The following MB21D2 variants were observed in gnomAD, a reference collection of about 807,000 sequenced individuals.
MB21D2 encodes Mab-21 domain containing 2.
A neutral mutation model predicts 33.3 loss-of-function variants in MB21D2; 9 were observed. The observed-to-expected ratio is 0.27, with a 90% CI of 0.16 to 0.47. The LOEUF (loss-of-function observed/expected upper bound fraction) is 0.47. Ranked by LOEUF, MB21D2 falls within the 20% of genes least tolerant of loss-of-function variation. MB21D2 has a pLI of 0.99. For missense variants in MB21D2, 540 were observed against 624.6 expected, an observed-to-expected ratio of 0.86 and a Z score of 1.44; for synonymous variants, 241 against 236.3, an observed-to-expected ratio of 1.02 and a Z score of -0.18.
At chr3:192,833,247 A>G (rs1384612082) in intron 1 of MB21D2, among the ~76,000 whole-genome samples, 2 of 152,214 alleles carry the variant, frequency 1.3e-5, no homozygotes, top group Non-Finnish European at 2.9e-5. Flanking sequence ...CTATCTTGGC[A>G]AGGAAAGTCA....
At chr3:192,835,555 A>T in intron 1 of MB21D2, among the ~76,000 whole-genome samples, 1 of 151,950 alleles carries the variant, frequency 6.6e-6, no homozygotes, top group Non-Finnish European at 1.5e-5. Context: ...TTCCCAAATC[A>T]CTTATAGATT....
intron 1 of MB21D2, among the ~76,000 whole-genome samples, chr3:192,890,462 G>A (rs1242779477): frequency 6.6e-6 from 1 of 151,862 alleles, no homozygotes; most frequent in East Asian, 1.9e-4. Flanking sequence ...TTTAGAATGG[G>A]GCAGGCTTAG....
intron 1 of MB21D2, among the ~76,000 whole-genome samples, chr3:192,821,123 T>C (rs1712043385): frequency 6.6e-6 from 1 of 152,164 alleles, no homozygotes. Context: ...CTTCCTGATA[T>C]TGCTAATGTC....
intron 1 of MB21D2, among the ~76,000 whole-genome samples, chr3:192,813,688 G>A (rs1711843210): frequency 6.6e-6 from 1 of 152,112 alleles, no homozygotes; most frequent in African/African-American, 2.4e-5. Context: ...AGTATACAAA[G>A]TATCCACCTA....
intron 1 of MB21D2, among the ~76,000 whole-genome samples, chr3:192,810,197 C>T (rs1012545930): frequency 6.6e-6 from 1 of 152,162 alleles, no homozygotes; most frequent in African/African-American, 2.4e-5. Context: ...ATCGGGTACA[C>T]TGGGACATGA....
rs1197108873 is a variant in MB21D2, at chr3:192,816,222, T to TAAA, written c.212-16573_212-16572insTTT. On this transcript the variant is annotated intron_variant, in intron 1 of 1. Transcript: ENST00000392452. ...AAAGACGAGAGGACAATTTTTTTTT[T>TAAA]TAAAAAAAAAGATGGTTCCGACTTG... 1.1e-3 allele frequency among the ~76,000 whole-genome samples: 134 copies of TAAA among 122,540 alleles called. 1 individual carries two copies. Among genetic ancestry groups the TAAA allele is most frequent in the African/African-American group, 4.2e-3 (129 of 30,912 alleles). The allele number at this position is 122,540 out of a possible 152,430, so 80.4% of individuals were successfully genotyped here. A position where few individuals can be genotyped will look rare whatever the true frequency, so the allele number is the denominator to read the frequency against.
chr3:192,904,186 G>A (rs529864345), intron 1 of MB21D2, among the ~76,000 whole-genome samples: 1 of 152,266 alleles, frequency 6.6e-6, no homozygotes, highest in African/African-American at 2.4e-5. Flanking sequence ...CCCATTCAAA[G>A]AGAAAATGTA....
intron 1 of MB21D2, among the ~76,000 whole-genome samples, chr3:192,807,474 G>T (rs1332440277): frequency 1.3e-5 from 2 of 152,060 alleles, no homozygotes; most frequent in African/African-American, 4.8e-5. Context: ...GAGATGCTCT[G>T]AATGAAGTCA....
At chr3:192,917,018 T>C (rs988119905) in intron 1 of MB21D2, among the ~76,000 whole-genome samples, 5 of 152,210 alleles carry the variant, frequency 3.3e-5, no homozygotes, top group African/African-American at 4.8e-5. Context: ...AGAAGTCAAT[T>C]TGCAAATCAA....
chr3:192,814,210 C>T (rs538256573), intron 1 of MB21D2, among the ~76,000 whole-genome samples: 19 of 152,062 alleles, frequency 1.2e-4, no homozygotes, highest in African/African-American at 4.3e-4. Flanking sequence ...ATGTTTGATA[C>T]ATCCAGAAGT....
intron 1 of MB21D2, among the ~76,000 whole-genome samples, chr3:192,814,946 G>A (rs1199263122): frequency 6.6e-6 from 1 of 152,092 alleles, no homozygotes; most frequent in Non-Finnish European, 1.5e-5. Flanking sequence ...TTGAGAGATG[G>A]CTTCTTTCAT....
chr3:192,897,651 TG>T (rs896836952), intron 1 of MB21D2, among the ~76,000 whole-genome samples: 9 of 151,730 alleles, frequency 5.9e-5, no homozygotes, highest in African/African-American at 2.2e-4. Flanking sequence ...GGGGGAGGGG[TG>T]GAATGAGCCC....
chr3:192,847,474 C>T (rs1012491370), intron 1 of MB21D2, among the ~76,000 whole-genome samples: 2 of 152,018 alleles, frequency 1.3e-5, no homozygotes, highest in African/African-American at 2.4e-5. Flanking sequence ...TCTCAAAAGG[C>T]GAATTTTCCT....
At chr3:192,905,552 G>A (rs1201779904) in intron 1 of MB21D2, among the ~76,000 whole-genome samples, 26 of 149,764 alleles carry the variant, frequency 1.7e-4, no homozygotes, top group African/African-American at 1.5e-4. Context: ...CAGGAGAATC[G>A]CTTGAACCCG....
chr3:192,873,204 C>T (rs1006627753), intron 1 of MB21D2, among the ~76,000 whole-genome samples: 1 of 152,082 alleles, frequency 6.6e-6, no homozygotes, highest in African/African-American at 2.4e-5. Context: ...TTGCTGTATG[C>T]ACAATTACTA....
At chr3:192,909,936 C>CAAAA (rs61613458) in intron 1 of MB21D2, among the ~76,000 whole-genome samples, 28 of 52,816 alleles carry the variant, frequency 5.3e-4, no homozygotes, top group Non-Finnish European at 6.2e-4. Context: ...GACTCTGTCT[C>CAAAA]AAAAAAAAAA....
chr3:192,852,196 A>G (rs1712821971), intron 1 of MB21D2, among the ~76,000 whole-genome samples: 1 of 152,194 alleles, frequency 6.6e-6, no homozygotes, highest in Non-Finnish European at 1.5e-5. Context: ...TTTCACCAGG[A>G]TTCACACTCA....
At chr3:192,850,388 A>C (rs1267038897) in intron 1 of MB21D2, among the ~76,000 whole-genome samples, 1 of 152,184 alleles carries the variant, frequency 6.6e-6, no homozygotes, top group African/African-American at 2.4e-5. Flanking sequence ...TATACCTCTC[A>C]AGGCAGGCCA....
chr3:192,860,122 A>G (rs753770831), intron 1 of MB21D2, among the ~76,000 whole-genome samples: 2 of 152,228 alleles, frequency 1.3e-5, no homozygotes, highest in Non-Finnish European at 1.5e-5. Context: ...CTGAAAGCCA[A>G]TGAATGTAGG....
Sources: allele counts gnomAD v4.1 joint callset (sites outside exome capture counted in the v4.1 genomes callset), GRCh38; gene constraint gnomAD v4.1.1; transcripts MANE v1.5; gene names NCBI Gene and HGNC (gene_info 2026-07-23, HGNC 2026-07-21).